Variants in MSRA observed in about 807,000 individuals in gnomAD.
MSRA encodes mitochondrial peptide methionine sulfoxide reductase.
A neutral mutation model predicts 31.3 loss-of-function variants in MSRA; 54 were observed. The ratio of observed to expected loss-of-function variants is 1.73; its 90% confidence interval spans 1.39 to 2.17. The LOEUF (loss-of-function observed/expected upper bound fraction) is 2.17, where lower values mean the gene tolerates loss of function less well. MSRA is among the 30% of genes most tolerant of loss of function. The pLI is 0.00. For missense variants in MSRA, 507 were observed against 300.9 expected (o/e 1.69, Z -5.07); for synonymous variants, 169 against 116.5 (o/e 1.45, Z -2.90).
At chr8:10,265,532 A>G (rs1319950969) in intron 3 of MSRA, among the ~76,000 whole-genome samples, 1 of 152,262 alleles carries the variant, frequency 6.6e-6, no homozygotes, top group African/African-American at 2.4e-5. Context: ...TCAGGCAGCT[A>G]GCCCATAGCA....
intron 4 of MSRA, among the ~76,000 whole-genome samples, chr8:10,311,701 C>G (rs747955959): frequency 2.6e-5 from 4 of 152,032 alleles, no homozygotes; most frequent in Non-Finnish European, 5.9e-5. Flanking sequence ...TCACTTGAAT[C>G]CAGGAGTTCA....
rs150412435 is a variant in MSRA at position 10,293,473 on chromosome 8, A to G, written c.332-8061A>G. The stretch of plus-strand genomic sequence containing the variant: ...AGGCGTGACTGCTTAGCGCCCACCA[A>G]TGCTCTCCTCCAGACATCTGCATCT... On this transcript the variant is annotated intron_variant, in intron 3 of 5. Transcript: ENST00000317173. Among the ~76,000 whole-genome samples the G allele has an allele frequency of 1.0e-3, 158 of 152,232 alleles. 1 individual carries two copies. Among genetic ancestry groups the G allele is most frequent in the African/African-American group, 3.5e-3 (144 of 41,536 alleles).
chr8:10,255,334 G>A (rs572897176), intron 3 of MSRA, among the ~76,000 whole-genome samples: 49 of 152,328 alleles, frequency 3.2e-4, no homozygotes, highest in Admixed American at 1.1e-3. Context: ...CCTTAGAGGT[G>A]CACCCTGGCG....
chr8:10,361,302 C>G (rs565383807), intron 5 of MSRA, among the ~76,000 whole-genome samples: 2 of 152,148 alleles, frequency 1.3e-5, no homozygotes, highest in Non-Finnish European at 2.9e-5. Context: ...ATTAATAATG[C>G]CTACATCTGC....
chr8:10,365,987 C>T (rs149358626), intron 5 of MSRA, among the ~76,000 whole-genome samples: 440 of 152,318 alleles, frequency 2.9e-3, no homozygotes, highest in African/African-American at 8.7e-3. Flanking sequence ...TAGTGCCAAG[C>T]TGAGCAGCCT....
intron 5 of MSRA, among the ~76,000 whole-genome samples, chr8:10,363,296 C>T (rs966184100): frequency 6.6e-5 from 10 of 152,124 alleles, no homozygotes; most frequent in African/African-American, 1.9e-4. Flanking sequence ...CCATGTCAGG[C>T]GTGCTTTTCC....
intron 3 of MSRA, among the ~76,000 whole-genome samples, chr8:10,281,790 G>T (rs1799636557): frequency 2.0e-5 from 3 of 152,154 alleles, no homozygotes; most frequent in African/African-American, 7.2e-5. Context: ...CTTTGTAAAG[G>T]GGCGCTGATC....
chr8:10,129,469 T>G (rs1215260221), intron 1 of MSRA, among the ~76,000 whole-genome samples: 1 of 152,136 alleles, frequency 6.6e-6, no homozygotes, highest in African/African-American at 2.4e-5. Context: ...TGAGTTTCCT[T>G]GATTCACCCT....
At chr8:10,354,750 G>GTGTGTATATA (rs371336632) in intron 5 of MSRA, among the ~76,000 whole-genome samples, 24 of 138,400 alleles carry the variant, frequency 1.7e-4, no homozygotes, top group African/African-American at 6.3e-4. Context: ...GTGTGTGTGT[G>GTGTGTATATA]TATATATATA....
intron 1 of MSRA, among the ~76,000 whole-genome samples, chr8:10,185,282 T>A (rs1168605613): frequency 3.3e-5 from 5 of 152,198 alleles, no homozygotes; most frequent in Admixed American, 3.3e-4. Context: ...CATTATAAAT[T>A]ACTCTGAGTC....
At chr8:10,179,054 T>G (rs1431048612) in intron 1 of MSRA, among the ~76,000 whole-genome samples, 1 of 152,178 alleles carries the variant, frequency 6.6e-6, no homozygotes, top group East Asian at 1.9e-4. Context: ...AAACTCCCTA[T>G]TTCTCACAAT....
intron 5 of MSRA, among the ~76,000 whole-genome samples, chr8:10,412,763 T>C (rs1342138521): frequency 6.6e-6 from 1 of 152,148 alleles, no homozygotes; most frequent in Non-Finnish European, 1.5e-5. Flanking sequence ...GACAGCCACG[T>C]TGTGATGCTA....
chr8:10,424,610 C>T (rs1393140334), intron 5 of MSRA, among the ~76,000 whole-genome samples: 2 of 143,504 alleles, frequency 1.4e-5, no homozygotes, highest in African/African-American at 5.3e-5. Flanking sequence ...GAGAAGGGGC[C>T]AGGGTGGAGT....
chr8:10,281,158 A>G (rs568263038), intron 3 of MSRA, among the ~76,000 whole-genome samples: 1 of 152,294 alleles, frequency 6.6e-6, no homozygotes, highest in South Asian at 2.1e-4. Flanking sequence ...TAGTATGTGA[A>G]TTTCATCTCA....
At chr8:10,251,293 C>T (rs981036493) in intron 3 of MSRA, among the ~76,000 whole-genome samples, 1 of 151,994 alleles carries the variant, frequency 6.6e-6, no homozygotes, top group Non-Finnish European at 1.5e-5. Context: ...TGAATGATCC[C>T]ATTCTTCAGA....
intron 3 of MSRA, among the ~76,000 whole-genome samples, chr8:10,277,238 A>G (rs562535037): frequency 2.8e-4 from 42 of 152,324 alleles, no homozygotes; most frequent in African/African-American, 9.4e-4. Context: ...TCTCCTTACA[A>G]TAATTTAGCT....
chr8:10,058,652 C>A (rs1802530467), intron 1 of MSRA, among the ~76,000 whole-genome samples: 1 of 152,142 alleles, frequency 6.6e-6, no homozygotes, highest in Admixed American at 6.5e-5. Flanking sequence ...CTATTTGAAC[C>A]CAAAAGCCCA....
intron 1 of MSRA, among the ~76,000 whole-genome samples, chr8:10,170,046 T>A (rs1045477973): frequency 7.3e-6 from 1 of 136,668 alleles, no homozygotes; most frequent in Non-Finnish European, 1.6e-5. Context: ...GCTAATATTT[T>A]TTTTTTTTTT....
At chr8:10,379,740 G>A (rs982100028) in intron 5 of MSRA, among the ~76,000 whole-genome samples, 11 of 152,194 alleles carry the variant, frequency 7.2e-5, no homozygotes, top group Non-Finnish European at 1.5e-4. Flanking sequence ...GTATGGGATG[G>A]CCAGGCCTAG....
Sources: allele counts gnomAD v4.1 joint callset (sites outside exome capture counted in the v4.1 genomes callset), GRCh38; gene constraint gnomAD v4.1.1; transcripts MANE v1.5; gene names NCBI Gene and HGNC (gene_info 2026-07-23, HGNC 2026-07-21).